The following CHN2 variants were observed in gnomAD, a reference collection of about 807,000 sequenced individuals.
CHN2 encodes the protein chimerin 2.
In CHN2, 35 loss-of-function variants were observed where a neutral mutation model predicts 56.3. The ratio of observed to expected loss-of-function variants is 0.62; its 90% CI spans 0.47 to 0.82. The LOEUF (loss-of-function observed/expected upper bound fraction) is 0.82, where lower values mean the gene tolerates loss of function less well. CHN2 is among the 40% of genes least tolerant of loss of function. The pLI is 0.00. For missense variants in CHN2, 491 were observed against 580.5 expected, an observed-to-expected ratio of 0.85 and a Z score of 1.58; for synonymous variants, 210 against 212.8, an observed-to-expected ratio of 0.99 and a Z score of 0.12.
At chr7:29,224,090 G>C (rs1457850025) in intron 1 of CHN2, among the ~76,000 whole-genome samples, 4 of 152,152 alleles carry the variant, frequency 2.6e-5, no homozygotes, top group Non-Finnish European at 5.9e-5. Context: ...AGCAGCAAAT[G>C]AACATGGCGG....
At position 29,398,495 on chromosome 7, in the gene CHN2, C is replaced by T. The variant is rs1801943444; in HGVS notation, c.290+9C>T. The T allele has an allele frequency of 1.3e-6, 2 of 1,557,456 alleles. No homozygotes were observed. Among genetic ancestry groups the T allele is most frequent in the Non-Finnish European group, 1.8e-6 (2 of 1,130,136 alleles). ...TACACGCTGGCTCTCAGGTGAGGCG[C>T]ATTTCATTCCTTGTTTTCATTGCTG... On this transcript the variant is annotated intron_variant, in intron 5 of 12. Coordinates refer to ENST00000222792, the MANE Select transcript of CHN2 (RefSeq NM_004067.4).
At chr7:29,403,453 T>G (rs1802387838) in intron 6 of CHN2, among the ~76,000 whole-genome samples, 1 of 152,172 alleles carries the variant, frequency 6.6e-6, no homozygotes, top group African/African-American at 2.4e-5. Flanking sequence ...TACTTAAATT[T>G]CGTTTTCTCA....
At chr7:29,264,290 GC>G (rs1361461890) in intron 1 of CHN2, among the ~76,000 whole-genome samples, 1 of 152,090 alleles carries the variant, frequency 6.6e-6, no homozygotes, top group Non-Finnish European at 1.5e-5. Context: ...CCTCTGCCCG[GC>G]CGTAACCCCG....
intron 1 of CHN2, among the ~76,000 whole-genome samples, chr7:29,201,430 C>G (rs1254463679): frequency 1.3e-5 from 2 of 150,198 alleles, no homozygotes; most frequent in Non-Finnish European, 3.0e-5. Flanking sequence ...TTTTTTTTCT[C>G]TCTGGCCTCA....
intron 6 of CHN2, among the ~76,000 whole-genome samples, chr7:29,471,690 G>T (rs914743603): frequency 3.3e-5 from 5 of 152,122 alleles, no homozygotes; most frequent in Admixed American, 1.3e-4. Context: ...TGGCAGCTGG[G>T]CATGGTGTGT....
At chr7:29,335,702 A>G (rs906758999) in intron 1 of CHN2, 1 of 152,226 alleles carries the variant, frequency 6.6e-6, no homozygotes, top group South Asian at 2.1e-4. Flanking sequence ...TTTCCTCTTT[A>G]ATCAGATCTG....
At chr7:29,490,986 A>G (rs975319746) in intron 7 of CHN2, among the ~76,000 whole-genome samples, 1 of 152,208 alleles carries the variant, frequency 6.6e-6, no homozygotes, top group African/African-American at 2.4e-5. Flanking sequence ...CAAAATCATT[A>G]TGATTGTGGA....
intron 3 of CHN2, among the ~76,000 whole-genome samples, chr7:29,382,889 C>T (rs59045930): frequency 0.021 from 3,213 of 152,134 alleles, 103 homozygotes; most frequent in African/African-American, 0.07. Flanking sequence ...TATGAGCAGC[C>T]GAGGGTGTGC....
chr7:29,506,066 A>G (rs1383295544), intron 10 of CHN2, among the ~76,000 whole-genome samples: 3 of 152,198 alleles, frequency 2.0e-5, no homozygotes, highest in African/African-American at 7.2e-5. Context: ...AAACATTTTT[A>G]TCTAAAAAAT....
At chr7:29,153,805 A>G (rs917766716) in intron 2 of CHN2, among the ~76,000 whole-genome samples, 7 of 151,956 alleles carry the variant, frequency 4.6e-5, no homozygotes, top group Non-Finnish European at 8.8e-5. Flanking sequence ...CTTGGCCTCA[A>G]GTGATCTACC....
chr7:29,432,528 A>G (rs1297344935), intron 6 of CHN2, among the ~76,000 whole-genome samples: 2 of 152,200 alleles, frequency 1.3e-5, no homozygotes, highest in Non-Finnish European at 2.9e-5. Context: ...AAAGGATCCT[A>G]ACTCAGGAAT....
intron 12 of CHN2, among the ~76,000 whole-genome samples, chr7:29,511,487 G>A (rs1791388071): frequency 1.3e-5 from 2 of 152,212 alleles, no homozygotes; most frequent in South Asian, 2.1e-4. Flanking sequence ...TATCATAGTG[G>A]GTTTGCCAGC....
At chr7:29,160,411 T>C (rs1160628213) in intron 2 of CHN2, among the ~76,000 whole-genome samples, 1 of 152,210 alleles carries the variant, frequency 6.6e-6, no homozygotes, top group Admixed American at 6.5e-5. Context: ...GTTTGGTATC[T>C]CCTTTTAGTT....
intron 1 of CHN2, among the ~76,000 whole-genome samples, chr7:29,220,653 CAATT>C (rs1216934621): frequency 1.3e-5 from 2 of 152,116 alleles, no homozygotes; most frequent in African/African-American, 4.8e-5. Context: ...ATTGAAGCGA[CAATT>C]AAATGCCTTC....
intron 1 of CHN2, among the ~76,000 whole-genome samples, chr7:29,304,875 GACTC>G (rs376688007): frequency 7.9e-5 from 12 of 152,336 alleles, no homozygotes; most frequent in African/African-American, 2.9e-4. Flanking sequence ...ACTGGGACCT[GACTC>G]ACTCTGAAAA....
At chr7:29,172,775 A>G (rs563105265) in intron 2 of CHN2, among the ~76,000 whole-genome samples, 1 of 152,178 alleles carries the variant, frequency 6.6e-6, no homozygotes, top group African/African-American at 2.4e-5. Context: ...ATATTATAAA[A>G]CTTTTTTTTT....
At chr7:29,352,566 T>C (rs1232560495) in intron 1 of CHN2, among the ~76,000 whole-genome samples, 1 of 151,880 alleles carries the variant, frequency 6.6e-6, no homozygotes, top group South Asian at 2.1e-4. Context: ...TATTAAAAAA[T>C]ACAAAAATTA....
At position 29,443,952 on chromosome 7, in the gene CHN2, C is replaced by G. The variant is rs1783854732; in HGVS notation, c.577-36327C>G. ...CAGGAAATACTTGAGGAAGTGTCTA[C>G]CATTATATTATGGTTCCCACATAAG... is the stretch of plus-strand genomic sequence containing the variant. On this transcript the variant is annotated intron_variant, in intron 6 of 12. Transcript: ENST00000222792. Among the ~76,000 whole-genome samples the G allele has an allele frequency of 2.0e-5, 3 of 152,166 alleles. No individual in the cohort carries two copies. The South Asian group carries it at 6.2e-4, about 32-fold the overall frequency.
intron 1 of CHN2, among the ~76,000 whole-genome samples, chr7:29,218,912 C>T (rs893232072): frequency 7.3e-5 from 11 of 151,312 alleles, no homozygotes; most frequent in African/African-American, 2.7e-4. Context: ...ATGTAACAAA[C>T]CTGCATGTTG....
Sources: gnomAD v4.1 joint callset for allele counts (sites outside exome capture counted in the v4.1 genomes callset) on GRCh38, gnomAD v4.1.1 for gene constraint, MANE v1.5 for transcripts, NCBI Gene and HGNC (gene_info 2026-07-23, HGNC 2026-07-21) for gene names.